ADAM9: variants seen among roughly 807,000 people sequenced by gnomAD.
The protein encoded by ADAM9 is ADAM metallopeptidase domain 9.
Under a neutral mutation model 108.1 loss-of-function variants are expected in ADAM9, and 54 were observed. The ratio of observed to expected loss-of-function variants is 0.50; its 90% CI spans 0.40 to 0.63. The LOEUF (loss-of-function observed/expected upper bound fraction) is 0.63, where lower values mean the gene tolerates loss of function less well. Among genes scored for constraint, ADAM9 ranks in the 20% least tolerant of loss-of-function variants. The pLI is 0.00. For missense variants in ADAM9, 830 were observed against 997.7 expected, an observed-to-expected ratio of 0.83 and a Z score of 2.26; for synonymous variants, 316 against 336.0, an observed-to-expected ratio of 0.94 and a Z score of 0.65.
At chr8:39,101,982 A>G in intron 21 of ADAM9, 52 bp downstream of exon 21, 1 of 1,362,010 alleles carries the variant, frequency 7.3e-7, no homozygotes, top group Non-Finnish European at 1.1e-6. Context: ...CCTAGGGGTT[A>G]ATGTCTAATA....
At chr8:39,038,562 A>G (rs1055597374) in intron 11 of ADAM9, among the ~76,000 whole-genome samples, 2 of 152,172 alleles carry the variant, frequency 1.3e-5, no homozygotes, top group African/African-American at 4.8e-5. Context: ...ATAATATGCT[A>G]TCTAATTTAT....
chr8:39,075,908 A>G (rs964647637), intron 15 of ADAM9: 3 of 152,228 alleles, frequency 2.0e-5, no homozygotes, highest in Admixed American at 6.5e-5. Context: ...CAGGTCAGCT[A>G]GCAAATAAAT....
At chr8:39,014,211 A>C in intron 4 of ADAM9, 168 bp downstream of exon 4, 1 of 642,216 alleles carries the variant, frequency 1.6e-6, no homozygotes, top group Non-Finnish European at 2.7e-6. Context: ...TCTATAGACT[A>C]AGCTGTACCT....
At chr8:38,998,423 T>C (rs1835893381) in intron 1 of ADAM9, among the ~76,000 whole-genome samples, 1 of 152,198 alleles carries the variant, frequency 6.6e-6, no homozygotes, top group African/African-American at 2.4e-5. Context: ...TAAATGTAAA[T>C]AAGACTGTAT....
At chr8:39,069,879 G>C (rs1187145850) in intron 14 of ADAM9, among the ~76,000 whole-genome samples, 1 of 150,760 alleles carries the variant, frequency 6.6e-6, no homozygotes, top group Non-Finnish European at 1.5e-5. Flanking sequence ...TATTTTTTGT[G>C]CATATGAGTG....
rs372619522 is a variant in ADAM9, at chr8:38,997,022, G to A, written c.-42G>A. The A allele has an allele frequency of 6.3e-7, 1 of 1,596,238 alleles. No individual in the cohort carries two copies. Among genetic ancestry groups the A allele is most frequent in the African/African-American group, 1.3e-5 (1 of 74,722 alleles). Reference sequence around the variant, plus strand: ...GAAAATGATGGAAGAGGCGGAGGTGGAGGCGACCGAGTGCTGAGAGGAACC... The same window carrying A: ...GAAAATGATGGAAGAGGCGGAGGTGAAGGCGACCGAGTGCTGAGAGGAACC... On this transcript the variant is annotated 5_prime_UTR_variant, in exon 1 of 22. Transcript: ENST00000487273.
intron 21 of ADAM9, among the ~76,000 whole-genome samples, chr8:39,103,335 GC>G (rs1041738324): frequency 6.7e-6 from 1 of 150,208 alleles, no homozygotes; most frequent in African/African-American, 2.4e-5. Context: ...CATTTCATGT[GC>G]TTTTTTTTTT....
chr8:39,067,545 T>G (rs1447488254), intron 14 of ADAM9, among the ~76,000 whole-genome samples: 1 of 152,238 alleles, frequency 6.6e-6, no homozygotes, highest in Non-Finnish European at 1.5e-5. Context: ...ATGATTTGGC[T>G]CTCTGTTATT....
intron 18 of ADAM9, among the ~76,000 whole-genome samples, chr8:39,088,160 G>C (rs1839233674): frequency 2.0e-5 from 3 of 152,070 alleles, no homozygotes. Context: ...AGAAACACAA[G>C]ATAGCCTGCA....
intron 20 of ADAM9, among the ~76,000 whole-genome samples, chr8:39,092,243 G>A (rs1278039827): frequency 6.6e-6 from 1 of 151,942 alleles, no homozygotes; most frequent in Admixed American, 6.6e-5. Context: ...GTCACTTTGT[G>A]ATTTATCTCT....
rs1491401379 is a variant in ADAM9 at position 39,045,324 on chromosome 8, ATG to A, written c.1302+3215_1302+3216del. 2.0e-3 allele frequency among the ~76,000 whole-genome samples: 298 copies of A among 146,266 alleles called. 51 individuals carry two copies. Among genetic ancestry groups the A allele is most frequent in the African/African-American group, 4.2e-3 (164 of 38,984 alleles). On this transcript the variant is annotated intron_variant, in intron 12 of 21. Transcript: ENST00000487273. ...TATACATGTGTGTGTACACCTATAC[ATG>A]TGTGTGTACACCTATACATGTGTGT...
chr8:39,045,268 A>G (rs183407770), intron 12 of ADAM9, among the ~76,000 whole-genome samples: 26 of 141,818 alleles, frequency 1.8e-4, no homozygotes, highest in African/African-American at 4.9e-4. Flanking sequence ...ATATATGTGT[A>G]TACATACATA....
At chr8:39,000,266 A>G (rs547119295) in intron 1 of ADAM9, among the ~76,000 whole-genome samples, 17 of 152,262 alleles carry the variant, frequency 1.1e-4, no homozygotes, top group Non-Finnish European at 2.4e-4. Context: ...CGCTGAGACT[A>G]CAGGCATGAG....
intron 12 of ADAM9, among the ~76,000 whole-genome samples, chr8:39,043,020 C>T (rs1837500867): frequency 6.6e-6 from 1 of 152,100 alleles, no homozygotes; most frequent in Non-Finnish European, 1.5e-5. Context: ...GTATTATGTC[C>T]TTTGTGGCTG....
chr8:39,045,560 G>GTGTGTGTGTATA (rs1405186506), intron 12 of ADAM9, among the ~76,000 whole-genome samples: 16 of 68,436 alleles, frequency 2.3e-4, no homozygotes, highest in African/African-American at 8.1e-4. Flanking sequence ...GTGTGTATAT[G>GTGTGTGTGTATA]TGTGTGTGTG....
chr8:39,030,204 A>G (rs1837054912), intron 11 of ADAM9, among the ~76,000 whole-genome samples: 1 of 152,190 alleles, frequency 6.6e-6, no homozygotes, highest in South Asian at 2.1e-4. Context: ...TTATGGTATC[A>G]TGCAGAGTAT....
intron 11 of ADAM9, among the ~76,000 whole-genome samples, chr8:39,036,736 A>G (rs1837288475): frequency 6.6e-6 from 1 of 152,156 alleles, no homozygotes; most frequent in Admixed American, 6.5e-5. Context: ...TGTAGCCTCT[A>G]AAGCATTTTA....
chr8:39,071,744 CGTGAGCCACT>C (rs1460975951), intron 15 of ADAM9, among the ~76,000 whole-genome samples: 1 of 152,148 alleles, frequency 6.6e-6, no homozygotes, highest in Non-Finnish European at 1.5e-5. Flanking sequence ...GGATTAGAGG[CGTGAGCCACT>C]GTGCCCGGCC....
intron 14 of ADAM9, among the ~76,000 whole-genome samples, chr8:39,067,900 T>C (rs1309575689): frequency 2.0e-5 from 3 of 152,166 alleles, no homozygotes; most frequent in East Asian, 1.9e-4. Flanking sequence ...ATGGCTCTTA[T>C]TATTTTGAGA....
Sources: allele counts gnomAD v4.1 joint callset (sites outside exome capture counted in the v4.1 genomes callset), GRCh38; gene constraint gnomAD v4.1.1; transcripts MANE v1.5; gene names NCBI Gene and HGNC (gene_info 2026-07-23, HGNC 2026-07-21).